Variants in WWOX observed in about 807,000 individuals in gnomAD.
The protein encoded by WWOX is WW domain-containing oxidoreductase.
WWOX carries 69 observed loss-of-function variants against 46.2 expected under a neutral mutation model. The ratio of observed to expected loss-of-function variants is 1.49; its 90% CI spans 1.23 to 1.82. The LOEUF is 1.82. Among genes scored for constraint, WWOX ranks in the 40% most tolerant of loss-of-function variants. WWOX has a pLI of 0.00. For synonymous variants in WWOX, 359 were observed against 202.6 expected (o/e 1.77, Z -6.56); for missense variants, 919 against 542.6 (o/e 1.69, Z -6.89).
intron 8 of WWOX, among the ~76,000 whole-genome samples, chr16:79,012,006 C>G: frequency 6.6e-6 from 1 of 152,244 alleles, no homozygotes; most frequent in South Asian, 2.1e-4. Flanking sequence ...TTTTGTCCCT[C>G]ACTTCTGAAT....
chr16:79,108,633 G>C (rs983913705), intron 8 of WWOX, among the ~76,000 whole-genome samples: 1 of 152,176 alleles, frequency 6.6e-6, no homozygotes, highest in African/African-American at 2.4e-5. Context: ...CGGGCATGGT[G>C]GCTCAAGCCT....
At chr16:78,656,289 C>G (rs1249889580) in intron 8 of WWOX, among the ~76,000 whole-genome samples, 2 of 151,996 alleles carry the variant, frequency 1.3e-5, no homozygotes, top group East Asian at 1.9e-4. Flanking sequence ...TTGGGATCAC[C>G]CACTCCAACA....
intron 5 of WWOX, among the ~76,000 whole-genome samples, chr16:78,188,393 C>T (rs2035776063): frequency 6.6e-6 from 1 of 150,524 alleles, no homozygotes; most frequent in East Asian, 2.0e-4. Flanking sequence ...GAGGCTGAGG[C>T]AGGACAATGG....
intron 8 of WWOX, among the ~76,000 whole-genome samples, chr16:78,836,617 T>C (rs1452501969): frequency 1.3e-5 from 2 of 152,190 alleles, no homozygotes; most frequent in African/African-American, 2.4e-5. Flanking sequence ...CAGTACCTCA[T>C]TTAATTCTTG....
chr16:78,333,480 C>G (rs558776809), intron 5 of WWOX, among the ~76,000 whole-genome samples: 3 of 152,186 alleles, frequency 2.0e-5, no homozygotes, highest in South Asian at 2.1e-4. Context: ...CTTAGTTTAA[C>G]TGGTAAAAAA....
intron 5 of WWOX, among the ~76,000 whole-genome samples, chr16:78,385,426 G>A (rs774757654): frequency 2.6e-5 from 4 of 152,156 alleles, no homozygotes; most frequent in Non-Finnish European, 2.9e-5. Flanking sequence ...TTATGAACAT[G>A]TATCGTTACA....
At chr16:78,728,981 C>G (rs1026185320) in intron 8 of WWOX, among the ~76,000 whole-genome samples, 2 of 152,088 alleles carry the variant, frequency 1.3e-5, no homozygotes, top group African/African-American at 4.8e-5. Flanking sequence ...GAAACGTTGG[C>G]TTTAGTAAAA....
Position 78,877,448 on chromosome 16 carries a change from C to A in WWOX, c.1057-334160C>A, listed in dbSNP as rs539637193. 9.9e-5 allele frequency among the ~76,000 whole-genome samples: 15 copies of A among 152,284 alleles called. No homozygotes were observed. The East Asian group carries it at 2.9e-3, about 29-fold the overall frequency. On this transcript the variant is annotated intron_variant, in intron 8 of 8. Coordinates refer to ENST00000566780, the MANE Select transcript of WWOX (RefSeq NM_016373.4). Reference sequence around the variant, plus strand: ...CTTCCACGTAGCACCATGAGCTGTTCTTCTCCAAAAGGCTTTGCTCAACTG... The same window carrying A: ...CTTCCACGTAGCACCATGAGCTGTTATTCTCCAAAAGGCTTTGCTCAACTG...
At chr16:79,055,088 G>A (rs1050330855) in intron 8 of WWOX, among the ~76,000 whole-genome samples, 6 of 152,140 alleles carry the variant, frequency 3.9e-5, no homozygotes, top group Non-Finnish European at 7.3e-5. Context: ...ATAATAGCCA[G>A]TGAATATAAA....
At chr16:78,847,544 G>T (rs1425024439) in intron 8 of WWOX, among the ~76,000 whole-genome samples, 1 of 151,846 alleles carries the variant, frequency 6.6e-6, no homozygotes, top group Non-Finnish European at 1.5e-5. Flanking sequence ...ATGTTGCCCA[G>T]CTCAGTCTCA....
chr16:78,828,890 A>C (rs188461866), intron 8 of WWOX, among the ~76,000 whole-genome samples: 163 of 152,324 alleles, frequency 1.1e-3, no homozygotes, highest in African/African-American at 3.8e-3. Flanking sequence ...TAATCCTAAA[A>C]TGTAGATGTA....
chr16:78,804,564 T>A (rs930190586), intron 8 of WWOX, among the ~76,000 whole-genome samples: 1 of 152,250 alleles, frequency 6.6e-6, no homozygotes, highest in Non-Finnish European at 1.5e-5. Context: ...CTGTGGTTTC[T>A]CCCACTGGAG....
chr16:78,962,985 C>T (rs1261553565), intron 8 of WWOX, among the ~76,000 whole-genome samples: 1 of 152,170 alleles, frequency 6.6e-6, no homozygotes, highest in Non-Finnish European at 1.5e-5. Flanking sequence ...TCTTCTTTCT[C>T]TGCCACTGCC....
chr16:78,602,349 C>T (rs1453198031), intron 8 of WWOX, among the ~76,000 whole-genome samples: 3 of 152,178 alleles, frequency 2.0e-5, no homozygotes, highest in Non-Finnish European at 4.4e-5. Context: ...TCTCCTGCCT[C>T]AGCCTCCTGA....
intron 4 of WWOX, among the ~76,000 whole-genome samples, chr16:78,138,625 C>G (rs866835587): frequency 6.6e-6 from 1 of 152,142 alleles, no homozygotes; most frequent in South Asian, 2.1e-4. Context: ...TTTTTAAATT[C>G]CTTATTTTTC....
rs150221765 is a variant in WWOX, at chr16:78,949,230, C to T, written c.1057-262378C>T. 2.4e-3 allele frequency among the ~76,000 whole-genome samples: 373 copies of T among 152,258 alleles called. 1 individual carries two copies. The highest frequency in any genetic ancestry group is 8.8e-3 in the African/African-American group (365 of 41,544). On this transcript the variant is annotated intron_variant, in intron 8 of 8. Coordinates refer to ENST00000566780, the MANE Select transcript of WWOX (RefSeq NM_016373.4). ...ACACCTTGTGAGTGGCCTTGTGAGA[C>T]CTGAAACAGGAAACCCACCTGAGCC...
At chr16:78,116,161 A>C (rs1321160809) in intron 4 of WWOX, among the ~76,000 whole-genome samples, 1 of 152,162 alleles carries the variant, frequency 6.6e-6, no homozygotes. Context: ...ATTCAGTTAT[A>C]CCCTTTTAGA....
At chr16:79,211,586 G>A in intron 8 of WWOX, 22 bp from the exon 9 acceptor site, 9 of 1,613,686 alleles carry the variant, frequency 5.6e-6, no homozygotes, top group Non-Finnish European at 7.6e-6. Flanking sequence ...ATTTTTTTTT[G>A]TCTTTCTTCT....
At chr16:79,198,422 G>T (rs747572704) in intron 8 of WWOX, among the ~76,000 whole-genome samples, 25 of 152,154 alleles carry the variant, frequency 1.6e-4, no homozygotes, top group Non-Finnish European at 2.8e-4. Context: ...CTCCTTCATG[G>T]GTATGGCTGC....
Sources: gnomAD v4.1 joint callset for allele counts (sites outside exome capture counted in the v4.1 genomes callset) on GRCh38, gnomAD v4.1.1 for gene constraint, MANE v1.5 for transcripts, NCBI Gene and HGNC (gene_info 2026-07-23, HGNC 2026-07-21) for gene names.